The following EPM2A variants were observed in gnomAD, a reference collection of about 807,000 sequenced individuals.
The protein encoded by EPM2A is laforin.
Under a neutral mutation model 26.5 loss-of-function variants are expected in EPM2A, and 21 were observed. The ratio of observed to expected loss-of-function variants is 0.79; its 90% CI spans 0.56 to 1.14. EPM2A has a LOEUF of 1.14. Ranked by LOEUF, EPM2A falls within the 50% of genes most tolerant of loss-of-function variation. The probability of loss-of-function intolerance (pLI) is 0.00; values close to 1 mark genes in which losing one functional copy is unlikely to be tolerated. For missense variants in EPM2A, 458 were observed against 440.8 expected (o/e 1.04, Z -0.35); for synonymous variants, 217 against 177.6 (o/e 1.22, Z -1.76).
chr6:145,425,140 TC>T lies in EPM2A; in HGVS notation c.556-41044del, dbSNP rs1391560367. Among the ~76,000 whole-genome samples, 14 of 151,068 alleles carry T rather than the reference TC, an allele frequency of 9.3e-5. 1 individual carries two copies. The highest frequency in any genetic ancestry group is 3.4e-4 in the African/African-American group (14 of 41,270). ...TCCCTTCCTTCCTTCCTTCCTTCCTTCCTTCCTTCCTTCCTTCCTTTCCTTC... is the reference window on the plus strand; with the variant it reads ...TCCCTTCCTTCCTTCCTTCCTTCCTTCTTCCTTCCTTCCTTCCTTTCCTTC... On this transcript the variant is annotated intron_variant, in intron 4 of 4. Transcript: ENST00000638717.
chr6:145,612,888 C>G (rs1333922431), intron 2 of EPM2A, among the ~76,000 whole-genome samples: 2 of 151,922 alleles, frequency 1.3e-5, no homozygotes, highest in Non-Finnish European at 2.9e-5. Context: ...ACTGACTGAT[C>G]AGGGTGGCAG....
At chr6:145,674,926 T>C (rs1277018244) in intron 2 of EPM2A, among the ~76,000 whole-genome samples, 1 of 151,994 alleles carries the variant, frequency 6.6e-6, no homozygotes, top group Non-Finnish European at 1.5e-5. Flanking sequence ...ATTCAGGAAA[T>C]ACAGAGAACA....
At chr6:145,479,270 C>CTA (rs560964697) in intron 4 of EPM2A, among the ~76,000 whole-genome samples, 4,030 of 143,876 alleles carry the variant, frequency 0.028, 83 homozygotes, top group Middle Eastern at 0.047. Flanking sequence ...GCCATTTTAA[C>CTA]TATATATATA....
intron 2 of EPM2A, among the ~76,000 whole-genome samples, chr6:145,602,637 T>C (rs759117554): frequency 3.3e-5 from 5 of 152,218 alleles, no homozygotes; most frequent in Non-Finnish European, 5.9e-5. Flanking sequence ...TGTCAATAGT[T>C]TAGTTTAATT....
intron 4 of EPM2A, among the ~76,000 whole-genome samples, chr6:145,456,590 T>G (rs1314400383): frequency 6.6e-6 from 1 of 152,206 alleles, no homozygotes; most frequent in African/African-American, 2.4e-5. Flanking sequence ...CATTCCATTT[T>G]TTTCTCTTAA....
At chr6:145,603,657 C>T (rs1231447491) in intron 2 of EPM2A, among the ~76,000 whole-genome samples, 1 of 152,190 alleles carries the variant, frequency 6.6e-6, no homozygotes, top group Non-Finnish European at 1.5e-5. Context: ...ATTATTACCA[C>T]ATTTAACACA....
intron 2 of EPM2A, among the ~76,000 whole-genome samples, chr6:145,516,835 C>T (rs995539980): frequency 6.6e-6 from 1 of 152,098 alleles, no homozygotes; most frequent in African/African-American, 2.4e-5. Flanking sequence ...TCCAGCAATC[C>T]CGCTTCTGTA....
intron 1 of EPM2A, among the ~76,000 whole-genome samples, chr6:145,694,091 G>A (rs1385412713): frequency 2.0e-5 from 3 of 152,056 alleles, no homozygotes; most frequent in East Asian, 3.9e-4. Context: ...TTGGATAGGT[G>A]TAGTCTCCTT....
At chr6:145,668,752 T>G (rs895756981) in intron 2 of EPM2A, among the ~76,000 whole-genome samples, 1 of 152,172 alleles carries the variant, frequency 6.6e-6, no homozygotes, top group South Asian at 2.1e-4. Context: ...GACTTTTCCC[T>G]CATAGTCAGA....
At chr6:145,570,982 T>C (rs1780946773) in intron 2 of EPM2A, among the ~76,000 whole-genome samples, 1 of 152,168 alleles carries the variant, frequency 6.6e-6, no homozygotes, top group Non-Finnish European at 1.5e-5. Flanking sequence ...AATCATAACT[T>C]CCAGTTTAAT....
intron 4 of EPM2A, among the ~76,000 whole-genome samples, chr6:145,395,204 G>A (rs1778388805): frequency 6.6e-6 from 1 of 152,088 alleles, no homozygotes; most frequent in Non-Finnish European, 1.5e-5. Context: ...TGTCTTTAAT[G>A]GCACAACCTC....
intron 2 of EPM2A, among the ~76,000 whole-genome samples, chr6:145,653,447 T>A (rs559541836): frequency 2.6e-4 from 40 of 152,338 alleles, no homozygotes; most frequent in Admixed American, 4.6e-4. Context: ...CAATTAAACC[T>A]TTTTTCTTTA....
intron 4 of EPM2A, among the ~76,000 whole-genome samples, chr6:145,399,559 C>A (rs1446775836): frequency 6.6e-6 from 1 of 152,124 alleles, no homozygotes; most frequent in Non-Finnish European, 1.5e-5. Context: ...CTATCAGCCA[C>A]TTCAGGTCAA....
intron 3 of EPM2A, chr6:145,632,199 C>CT (rs200439034): frequency 6.6e-6 from 1 of 152,228 alleles, no homozygotes; most frequent in East Asian, 1.9e-4. Context: ...GGTGACAAGG[C>CT]TTTAGCCCAG....
chr6:145,489,313 G>C (rs1372129171), intron 4 of EPM2A, among the ~76,000 whole-genome samples: 2 of 152,134 alleles, frequency 1.3e-5, no homozygotes, highest in Non-Finnish European at 2.9e-5. Flanking sequence ...GGAAGAACAT[G>C]ACCTGGGAAA....
intron 2 of EPM2A, chr6:145,670,289 A>T (rs1264346384): frequency 1.3e-5 from 2 of 152,122 alleles, no homozygotes; most frequent in African/African-American, 4.8e-5. Context: ...TCTTACCCAC[A>T]TCATTCATGA....
chr6:145,625,845 C>T lies in EPM2A; in HGVS notation c.*1571G>A. ...CCCCACGCCTTCTAAATAAGAGTCT[C>T]TTGCATCTATCAATATGTGTTTGTG... On this transcript the variant is annotated 3_prime_UTR_variant, in exon 4 of 4. Coordinates refer to ENST00000367519, the MANE Select transcript of EPM2A (RefSeq NM_005670.4). 1 of 1,542,486 alleles carries T rather than the reference C, an allele frequency of 6.5e-7. No homozygotes were observed. The highest frequency in any genetic ancestry group is 8.8e-7 in the Non-Finnish European group (1 of 1,142,596).
chr6:145,575,651 G>T (rs563505245), intron 2 of EPM2A, among the ~76,000 whole-genome samples: 2 of 152,272 alleles, frequency 1.3e-5, no homozygotes, highest in Non-Finnish European at 2.9e-5. Flanking sequence ...ATTATGTATA[G>T]AGTCACTAAA....
intron 2 of EPM2A, among the ~76,000 whole-genome samples, chr6:145,570,736 T>C (rs1359796959): frequency 6.6e-6 from 1 of 152,204 alleles, no homozygotes; most frequent in Non-Finnish European, 1.5e-5. Flanking sequence ...TCATTTGTAG[T>C]CCTGCCTGGA....
Sources: allele counts gnomAD v4.1 joint callset (sites outside exome capture counted in the v4.1 genomes callset), GRCh38; gene constraint gnomAD v4.1.1; transcripts MANE v1.5; gene names NCBI Gene and HGNC (gene_info 2026-07-23, HGNC 2026-07-21).